SOCS6: variants seen among roughly 807,000 people sequenced by gnomAD.
SOCS6 encodes the protein suppressor of cytokine signaling 6.
Under a neutral mutation model 27.7 loss-of-function variants are expected in SOCS6, and 5 were observed. The ratio of observed to expected loss-of-function variants is 0.18; its 90% CI spans 0.09 to 0.38. The LOEUF (loss-of-function observed/expected upper bound fraction) is 0.38. Among genes scored for constraint, SOCS6 ranks in the 10% least tolerant of loss-of-function variants. The probability of loss-of-function intolerance (pLI) is 1.00; values close to 1 mark genes in which losing one functional copy is unlikely to be tolerated. For missense variants in SOCS6, 595 were observed against 688.1 expected, an observed-to-expected ratio of 0.86 and a Z score of 1.51; for synonymous variants, 271 against 260.0, an observed-to-expected ratio of 1.04 and a Z score of -0.41.
chr18:70,304,277 C>T (rs1415752606), intron 1 of SOCS6, among the ~76,000 whole-genome samples: 1 of 152,116 alleles, frequency 6.6e-6, no homozygotes, highest in Non-Finnish European at 1.5e-5. Context: ...TGAACTGATA[C>T]AGAATGATTT....
At chr18:70,293,889 G>A (rs1351345476) in intron 1 of SOCS6, among the ~76,000 whole-genome samples, 1 of 152,010 alleles carries the variant, frequency 6.6e-6, no homozygotes, top group African/African-American at 2.4e-5. Context: ...TCAGGAGTTC[G>A]AGACCAGCCT....
intron 1 of SOCS6, among the ~76,000 whole-genome samples, chr18:70,308,146 A>G (rs547801322): frequency 6.6e-6 from 1 of 152,342 alleles, no homozygotes; most frequent in South Asian, 2.1e-4. Flanking sequence ...TTTCTGTTGT[A>G]GATATATCAT....
rs1911229365 is a variant in SOCS6 at position 70,326,855 on chromosome 18, T to C, written c.*579T>C. The C allele has an allele frequency of 1.2e-5, 2 of 167,010 alleles. No individual in the cohort carries two copies. Among genetic ancestry groups the C allele is most frequent in the South Asian group, 2.1e-4 (1 of 4,834 alleles). 10.3% of individuals were successfully genotyped at this position (167,010 alleles called of 1,614,324 possible). Reference sequence around the variant, plus strand: ...ATGGAACGGAGATCTGCAACATATCTTTTAACAACACTTTTTTCTAAATTA... The same window carrying C: ...ATGGAACGGAGATCTGCAACATATCCTTTAACAACACTTTTTTCTAAATTA... On this transcript the variant is annotated 3_prime_UTR_variant, in exon 2 of 2. Coordinates refer to ENST00000397942, the MANE Select transcript of SOCS6 (RefSeq NM_004232.4).
intron 1 of SOCS6, among the ~76,000 whole-genome samples, chr18:70,297,960 C>G (rs2062331559): frequency 1.3e-5 from 2 of 152,038 alleles, no homozygotes; most frequent in African/African-American, 4.8e-5. Flanking sequence ...CTTGTATGTT[C>G]TATGTGAAAG....
rs188588135 is a variant in SOCS6, at chr18:70,301,258, A to G, written c.-127+12168A>G. On this transcript the variant is annotated intron_variant, in intron 1 of 1. Transcript: ENST00000397942. ...TTGAGAATAGAATGGGGCAGGGGAA[A>G]GAAAGCAAGGAAACTTATTAGGAGG... 3.0e-4 allele frequency among the ~76,000 whole-genome samples: 46 copies of G among 152,362 alleles called. No individual in the cohort carries two copies. The East Asian group carries it at 6.4e-3, about 21-fold the overall frequency.
At chr18:70,315,855 T>C (rs1329047472) in intron 1 of SOCS6, among the ~76,000 whole-genome samples, 2 of 152,094 alleles carry the variant, frequency 1.3e-5, no homozygotes, top group Non-Finnish European at 2.9e-5. Context: ...TATTTTGATA[T>C]GTTTTTTTGT....
chr18:70,292,238 G>A (rs561696303), intron 1 of SOCS6, among the ~76,000 whole-genome samples: 2 of 152,340 alleles, frequency 1.3e-5, no homozygotes, highest in East Asian at 1.9e-4. Context: ...GCTCTGTCAC[G>A]TTGAACACGT....
At chr18:70,306,310 T>A (rs2062368811) in intron 1 of SOCS6, among the ~76,000 whole-genome samples, 1 of 151,506 alleles carries the variant, frequency 6.6e-6, no homozygotes, top group African/African-American at 2.4e-5. Flanking sequence ...CTGTCTCTAC[T>A]AAGAATACAA....
intron 1 of SOCS6, among the ~76,000 whole-genome samples, chr18:70,310,229 A>G (rs1396273198): frequency 6.6e-6 from 1 of 151,858 alleles, no homozygotes. Context: ...TTGGGGAAGG[A>G]GATTTATTGG....
intron 1 of SOCS6, among the ~76,000 whole-genome samples, chr18:70,299,520 A>C (rs182664072): frequency 6.6e-6 from 1 of 152,186 alleles, no homozygotes; most frequent in East Asian, 1.9e-4. Context: ...CTCAATCTCT[A>C]ATCCTTTCCT....
At chr18:70,320,636 G>T (rs947282136) in intron 1 of SOCS6, among the ~76,000 whole-genome samples, 1 of 152,066 alleles carries the variant, frequency 6.6e-6, no homozygotes, top group Non-Finnish European at 1.5e-5. Context: ...TTTATTATTA[G>T]TTATAGTTAT....
At position 70,328,408 on chromosome 18, in the gene SOCS6, C is replaced by G. The variant is rs569844904; in HGVS notation, c.*2132C>G. 2 of 166,442 alleles carry G rather than the reference C, an allele frequency of 1.2e-5. No homozygotes were observed. Among genetic ancestry groups the G allele is most frequent in the African/African-American group, 2.4e-5 (1 of 41,402 alleles). The allele number at this position is 166,442 out of a possible 1,614,324, so 10.3% of individuals were successfully genotyped here. ...CAGAGGTCTTTGGACTGCCCTGAAC[C>G]CGTCTTATGTGGACATAACCTATTC... On this transcript the variant is annotated 3_prime_UTR_variant, in exon 2 of 2. Coordinates refer to ENST00000397942, the MANE Select transcript of SOCS6 (RefSeq NM_004232.4).
chr18:70,313,231 G>C (rs762778194), intron 1 of SOCS6, among the ~76,000 whole-genome samples: 3 of 151,820 alleles, frequency 2.0e-5, no homozygotes, highest in Non-Finnish European at 4.4e-5. Flanking sequence ...TTGTTTCTGT[G>C]CTTTGCCCGT....
At chr18:70,291,915 A>G (rs1466052861) in intron 1 of SOCS6, among the ~76,000 whole-genome samples, 1 of 152,234 alleles carries the variant, frequency 6.6e-6, no homozygotes. Context: ...AAAGAGGAAC[A>G]ACGTAAGATG....
At chr18:70,309,140 A>G (rs970449205) in intron 1 of SOCS6, among the ~76,000 whole-genome samples, 2 of 152,256 alleles carry the variant, frequency 1.3e-5, no homozygotes, top group African/African-American at 2.4e-5. Flanking sequence ...GCCATAAAAG[A>G]TATGTAACAA....
intron 1 of SOCS6, among the ~76,000 whole-genome samples, chr18:70,290,526 G>C (rs2062294054): frequency 6.6e-6 from 1 of 152,270 alleles, no homozygotes; most frequent in South Asian, 2.1e-4. Context: ...AGTGGGTTTT[G>C]TGCACGCGTG....
intron 1 of SOCS6, among the ~76,000 whole-genome samples, chr18:70,305,508 T>A (rs1304787300): frequency 6.6e-6 from 1 of 152,242 alleles, no homozygotes; most frequent in Non-Finnish European, 1.5e-5. Flanking sequence ...TATAAGCACT[T>A]TCGAAATTGG....
chr18:70,323,752 A>T (rs1184598050), intron 1 of SOCS6, among the ~76,000 whole-genome samples: 1 of 152,238 alleles, frequency 6.6e-6, no homozygotes, highest in Non-Finnish European at 1.5e-5. Context: ...ACACAAGCTT[A>T]AGTATTTAAA....
At chr18:70,294,180 C>T (rs750293050) in intron 1 of SOCS6, among the ~76,000 whole-genome samples, 15 of 151,854 alleles carry the variant, frequency 9.9e-5, no homozygotes, top group Non-Finnish European at 1.8e-4. Flanking sequence ...TACTTTAACA[C>T]TAGTATTCTA....
Sources: allele counts gnomAD v4.1 joint callset (sites outside exome capture counted in the v4.1 genomes callset), GRCh38; gene constraint gnomAD v4.1.1; transcripts MANE v1.5; gene names NCBI Gene and HGNC (gene_info 2026-07-23, HGNC 2026-07-21).